SPTBN1: variants seen among roughly 807,000 people sequenced by gnomAD.
The protein encoded by SPTBN1 is spectrin beta, non-erythrocytic 1.
SPTBN1 carries 32 observed loss-of-function variants against 266.4 expected under a neutral mutation model. The ratio of observed to expected loss-of-function variants is 0.12; its 90% CI spans 0.09 to 0.16. SPTBN1 has a LOEUF of 0.16. Ranked by LOEUF, SPTBN1 falls within the 10% of genes least tolerant of loss-of-function variation. SPTBN1 has a pLI of 1.00. For missense variants in SPTBN1, 2,296 were observed against 3,067.1 expected (o/e 0.75, Z 5.94); for synonymous variants, 1,336 against 1,162.2 (o/e 1.15, Z -3.04).
At chr2:54,581,817 G>A (rs1232663844) in intron 2 of SPTBN1, among the ~76,000 whole-genome samples, 1 of 152,110 alleles carries the variant, frequency 6.6e-6, no homozygotes, top group Non-Finnish European at 1.5e-5. Context: ...AAGATAAAAA[G>A]AGGAAGCTCC....
intron 3 of SPTBN1, among the ~76,000 whole-genome samples, chr2:54,600,351 G>A (rs1476236525): frequency 6.6e-6 from 1 of 152,208 alleles, no homozygotes; most frequent in African/African-American, 2.4e-5. Flanking sequence ...TCTCTGTAGT[G>A]AGTTTCATCC....
chr2:54,641,054 T>C (rs1679507549), intron 18 of SPTBN1, among the ~76,000 whole-genome samples: 1 of 152,236 alleles, frequency 6.6e-6, no homozygotes, highest in Non-Finnish European at 1.5e-5. Flanking sequence ...GATCAAAGCA[T>C]TTTTTCCTTA....
At chr2:54,553,663 C>T (rs1672703109) in intron 2 of SPTBN1, among the ~76,000 whole-genome samples, 1 of 152,070 alleles carries the variant, frequency 6.6e-6, no homozygotes, top group Admixed American at 6.6e-5. Flanking sequence ...GTTTTCTGTC[C>T]CTCCCTGTTC....
intron 17 of SPTBN1, among the ~76,000 whole-genome samples, chr2:54,633,137 C>G (rs545704471): frequency 2.0e-5 from 3 of 152,190 alleles, no homozygotes; most frequent in South Asian, 4.2e-4. Flanking sequence ...GTATTCCCAG[C>G]CAAGCCCGTG....
Position 54,649,583 on chromosome 2 carries a change from C to A in SPTBN1, c.5203-32C>A, listed in dbSNP as rs1408189926. ...CAAGAAATACAGAGTTCACAGTGGG[C>A]TCTCTGATTTCCTTACCCATCCCCG... On this transcript the variant is annotated intron_variant, in intron 25 of 35. Transcript: ENST00000356805. This position sits in a 1 kb window ranked among gnomAD's most constrained non-coding sequence, Gnocchi z 6.7. 1 of 1,596,440 alleles carries A rather than the reference C, an allele frequency of 6.3e-7. No homozygotes were observed. Among genetic ancestry groups the A allele is most frequent in the South Asian group, 1.1e-5 (1 of 89,518 alleles).
intron 26 of SPTBN1, among the ~76,000 whole-genome samples, chr2:54,651,506 C>G (rs17580855): frequency 0.039 from 5,991 of 152,274 alleles, 155 homozygotes; most frequent in Admixed American, 0.087. Context: ...GGTGCTTCTT[C>G]TTTGGTTGTT....
chr2:54,660,701 A>G, intron 32 of SPTBN1: 1 of 985,448 alleles, frequency 1.0e-6, no homozygotes, highest in Non-Finnish European at 1.2e-6. Context: ...TACTTTTTAC[A>G]AACTAGTTCC....
At chr2:54,550,968 C>T (rs1284690816) in intron 2 of SPTBN1, among the ~76,000 whole-genome samples, 6 of 152,314 alleles carry the variant, frequency 3.9e-5, no homozygotes, top group African/African-American at 1.4e-4. Context: ...CTCTTTTCTC[C>T]TACCCTCTCC....
intron 2 of SPTBN1, among the ~76,000 whole-genome samples, chr2:54,575,647 C>G (rs1448503437): frequency 6.6e-6 from 1 of 152,244 alleles, no homozygotes; most frequent in Non-Finnish European, 1.5e-5. Context: ...TGTAGACCCA[C>G]TGGTAGCAAT....
rs1158732747 is a variant in SPTBN1, at chr2:54,622,296, C to G, written c.877-4C>G. The G allele has an allele frequency of 3.1e-6, 5 of 1,611,662 alleles. No individual in the cohort carries two copies. The highest frequency in any genetic ancestry group is 3.4e-6 in the Non-Finnish European group (4 of 1,178,764). On this transcript the variant is annotated splice_polypyrimidine_tract_variant and splice_region_variant and intron_variant, in intron 8 of 35. Coordinates refer to ENST00000356805, the MANE Select transcript of SPTBN1 (RefSeq NM_003128.3). ...TTTTCAATTTTTCTATCCCTTGTTG[C>G]CAGGTGCTTGACAATGCTATTGAAA...
chr2:54,568,976 A>C (rs57281248), intron 2 of SPTBN1, among the ~76,000 whole-genome samples: 2 of 152,164 alleles, frequency 1.3e-5, no homozygotes, highest in Non-Finnish European at 2.9e-5. Flanking sequence ...ATGCACATCA[A>C]ACTTACCTAG....
At chr2:54,564,546 C>G (rs996389571) in intron 2 of SPTBN1, among the ~76,000 whole-genome samples, 3 of 152,186 alleles carry the variant, frequency 2.0e-5, no homozygotes, top group Admixed American at 6.5e-5. Flanking sequence ...GATTTGACTC[C>G]AGTCCCAGCT....
chr2:54,627,336 C>G (rs560511977), intron 12 of SPTBN1, among the ~76,000 whole-genome samples: 10 of 152,174 alleles, frequency 6.6e-5, no homozygotes, highest in Non-Finnish European at 1.2e-4. Context: ...GAGACTTCCT[C>G]AGAAGTAAGA....
intron 2 of SPTBN1, among the ~76,000 whole-genome samples, chr2:54,594,089 C>A (rs1675878785): frequency 6.6e-6 from 1 of 152,018 alleles, no homozygotes; most frequent in Non-Finnish European, 1.5e-5. Flanking sequence ...CCTCGGCCTC[C>A]CAAAGCTGGG....
intron 1 of SPTBN1, among the ~76,000 whole-genome samples, chr2:54,491,068 G>T (rs923656346): frequency 2.0e-5 from 3 of 152,178 alleles, no homozygotes; most frequent in African/African-American, 7.2e-5. Flanking sequence ...ATGGATTTCA[G>T]TTGGGCAAAA....
At chr2:54,501,034 A>G (rs561435076) in intron 1 of SPTBN1, among the ~76,000 whole-genome samples, 1 of 152,294 alleles carries the variant, frequency 6.6e-6, no homozygotes, top group Admixed American at 6.5e-5. Flanking sequence ...GACCCAAATA[A>G]GGAATGGCTG....
intron 1 of SPTBN1, among the ~76,000 whole-genome samples, chr2:54,470,502 G>C (rs1260046447): frequency 2.0e-5 from 3 of 152,210 alleles, no homozygotes; most frequent in Non-Finnish European, 4.4e-5. Context: ...CAGCTGTGCA[G>C]AGCGTGAGTC....
intron 2 of SPTBN1, among the ~76,000 whole-genome samples, chr2:54,561,467 T>C (rs978121188): frequency 4.6e-5 from 7 of 152,130 alleles, no homozygotes; most frequent in Admixed American, 1.3e-4. Flanking sequence ...TATGAACTTA[T>C]TTATGTATTG....
intron 2 of SPTBN1, among the ~76,000 whole-genome samples, chr2:54,555,168 T>C (rs1672792849): frequency 6.6e-6 from 1 of 152,188 alleles, no homozygotes; most frequent in South Asian, 2.1e-4. Context: ...AACCCAGGCC[T>C]TCCCCAGGGC....
Sources: allele counts gnomAD v4.1 joint callset (sites outside exome capture counted in the v4.1 genomes callset), GRCh38; gene constraint gnomAD v4.1.1; non-coding constraint Gnocchi (gnomAD v3.1); transcripts MANE v1.5; gene names NCBI Gene and HGNC (gene_info 2026-07-23, HGNC 2026-07-21).